Variants in FSIP2 observed in about 807,000 individuals in gnomAD.
FSIP2 encodes the protein fibrous sheath interacting protein 2, also known as fibrous sheath-interacting protein 2.
A neutral mutation model predicts 510.5 loss-of-function variants in FSIP2; 367 were observed. The ratio of observed to expected loss-of-function variants is 0.72; its 90% CI spans 0.66 to 0.78. FSIP2 has a LOEUF of 0.78. Ranked by LOEUF, FSIP2 falls within the 30% of genes least tolerant of loss-of-function variation. The pLI is 0.00. For synonymous variants in FSIP2, 2,601 were observed against 2,732.2 expected (o/e 0.95, Z 1.50); for missense variants, 7,594 against 7,901.7 (o/e 0.96, Z 1.48).
At chr2:185,779,765 C>T (rs1004240776) in intron 13 of FSIP2, among the ~76,000 whole-genome samples, 1 of 152,026 alleles carries the variant, frequency 6.6e-6, no homozygotes, top group Non-Finnish European at 1.5e-5. Flanking sequence ...TTTAATACTT[C>T]TTGGGATTAT....
intron 1 of FSIP2, 98 bp downstream of exon 1, chr2:185,739,091 A>G (rs1052348998): frequency 1.4e-6 from 2 of 1,388,540 alleles, no homozygotes; most frequent in South Asian, 1.5e-5. Flanking sequence ...GAGGCTCCCA[A>G]CTGTCCCCCG....
At position 185,791,751 on chromosome 2, in the gene FSIP2, A is replaced by C. The variant is rs1300968891; in HGVS notation, c.4615A>C (p.Ser1539Arg). 1 of 1,534,518 alleles carries C rather than the reference A, an allele frequency of 6.5e-7. No homozygotes were observed. Among genetic ancestry groups the C allele is most frequent in the African/African-American group, 1.4e-5 (1 of 72,888 alleles). The change falls in exon 16 of 23, where the codon AGC becomes CGC. Residue 1539 changes from serine (S) to arginine (R), a missense_variant. Coordinates refer to ENST00000424728, the MANE Select transcript of FSIP2 (RefSeq NM_173651.4). ...GGCCAAATCCACCAAAATAATCTCC[A>C]GCATAGTTTCCAGAAGGGTTCAGGA... ...KMAKSTKIISSIVSRRVQEDN... is the reference protein window; with the variant it reads ...KMAKSTKIISRIVSRRVQEDN...
chr2:185,809,844 C>G (rs1351133738), intron 17 of FSIP2, among the ~76,000 whole-genome samples: 1 of 151,940 alleles, frequency 6.6e-6, no homozygotes, highest in African/African-American at 2.4e-5. Flanking sequence ...ATACTCAGCT[C>G]CCAAATATTT....
At chr2:185,827,475 A>G (rs1694034015) in intron 20 of FSIP2, among the ~76,000 whole-genome samples, 1 of 151,886 alleles carries the variant, frequency 6.6e-6, no homozygotes, top group African/African-American at 2.4e-5. Context: ...TAAGCAATGA[A>G]GCTAAGATGT....
chr2:185,816,358 A>G (rs1415462298), intron 19 of FSIP2, among the ~76,000 whole-genome samples: 1 of 151,864 alleles, frequency 6.6e-6, no homozygotes, highest in Non-Finnish European at 1.5e-5. Context: ...TTTATTGGTT[A>G]TATTAGTGAA....
chr2:185,825,493 T>G (rs1244772940), intron 20 of FSIP2, among the ~76,000 whole-genome samples: 1 of 151,692 alleles, frequency 6.6e-6, no homozygotes, highest in Non-Finnish European at 1.5e-5. Context: ...ACTATTTGGG[T>G]GATAGGTACA....
At chr2:185,827,685 G>C (rs1475033962) in intron 20 of FSIP2, among the ~76,000 whole-genome samples, 1 of 151,828 alleles carries the variant, frequency 6.6e-6, no homozygotes, top group Admixed American at 6.6e-5. Flanking sequence ...AAGCTCTCCT[G>C]ATTCTCCCAG....
intron 13 of FSIP2, among the ~76,000 whole-genome samples, chr2:185,782,225 G>C (rs564821637): frequency 1.3e-5 from 2 of 152,210 alleles, no homozygotes; most frequent in Non-Finnish European, 2.9e-5. Flanking sequence ...CATAATTACT[G>C]TGTAGCATGA....
chr2:185,789,234 T>C lies in FSIP2; in HGVS notation c.2098T>C (p.Leu700=). 1 of 1,534,504 alleles carries C rather than the reference T, an allele frequency of 6.5e-7. No homozygotes were observed. The change falls in exon 16 of 23, where the codon TTG becomes CTG. Residue 700 remains leucine (L), a synonymous_variant. Coordinates refer to ENST00000424728, the MANE Select transcript of FSIP2 (RefSeq NM_173651.4). ...TGTTTTTGTTAACTTTAAATGTTAC[T>C]TGAAAGGGGAAACTGAAGTGATTTT... ...KNVFVNFKCY[L]KGETEVILES...
rs1265379721 is a variant in FSIP2 at position 185,794,399 on chromosome 2, A to G, written c.7263A>G (p.Gln2421=). The G allele has an allele frequency of 4.6e-6, 7 of 1,518,806 alleles. No individual in the cohort carries two copies. In the East Asian group the frequency reaches 9.8e-5, roughly 21 times the overall value. 94.1% of individuals were successfully genotyped at this position (1,518,806 alleles called of 1,614,324 possible). A position where few individuals can be genotyped will look rare whatever the true frequency, so the allele number is the denominator to read the frequency against. The change falls in exon 16 of 23, where the codon CAA becomes CAG. Residue 2421 remains glutamine, a synonymous_variant. Coordinates refer to ENST00000424728, the MANE Select transcript of FSIP2 (RefSeq NM_173651.4). ...FNSKENSNFS[Q]LALSNEILLG... The stretch of plus-strand genomic sequence containing the variant: ...CAAAAGAAAATTCTAACTTTTCACA[A>G]TTAGCTTTATCAAATGAAATATTGC...
At chr2:185,762,163 A>G (rs1483392154) in intron 11 of FSIP2, 146 bp downstream of exon 11, 4 of 502,342 alleles carry the variant, frequency 8.0e-6, no homozygotes, top group East Asian at 3.1e-5. Context: ...ATGAATATAG[A>G]TATTATAATT....
At chr2:185,820,288 A>G (rs1047140641) in intron 19 of FSIP2, among the ~76,000 whole-genome samples, 1 of 151,198 alleles carries the variant, frequency 6.6e-6, no homozygotes, top group African/African-American at 2.4e-5. Context: ...GTGAAGAAGG[A>G]TATGTTTGCT....
At chr2:185,786,162 C>A in intron 14 of FSIP2, 90 bp from the exon 15 acceptor site, 2 of 826,158 alleles carry the variant, frequency 2.4e-6, no homozygotes, top group Non-Finnish European at 3.7e-6. Context: ...TTAGATACAA[C>A]AAAATGATTT....
rs1692331442 is a variant in FSIP2, at chr2:185,760,640, G to GA, written c.1079-343dup. Among the ~76,000 whole-genome samples, 7 of 150,320 alleles carry GA rather than the reference G, an allele frequency of 4.7e-5. No homozygotes were observed. In the Admixed American group the frequency reaches 4.7e-4, roughly 10 times the overall value. On this transcript the variant is annotated intron_variant, in intron 9 of 22. Transcript: ENST00000424728. ...ATACAATAGAATTCTTCTCAGAAAT[G>GA]AAAAAGAAAAGCAATACCATTGATA...
Position 185,764,548 on chromosome 2 carries a change from G to C in FSIP2, c.1394G>C (p.Ser465Thr), listed in dbSNP as rs1392487143. 19 of 1,527,182 alleles carry C rather than the reference G, an allele frequency of 1.2e-5. No individual in the cohort carries two copies. Among genetic ancestry groups the C allele is most frequent in the Non-Finnish European group, 1.5e-5 (17 of 1,139,888 alleles). The allele number at this position is 1,527,182 out of a possible 1,614,324, so 94.6% of individuals were successfully genotyped here. Residue 465 changes from serine (S) to threonine (T), a missense_variant, in exon 13 of 23, where the codon AGC becomes ACC. Coordinates refer to ENST00000424728, the MANE Select transcript of FSIP2 (RefSeq NM_173651.4). ...GATGGAAGACCAACCAAGAGATCAA[G>C]CTATCTCTGCGAATCAGGTAAATAT... The part of the protein sequence containing the change: ...DWDGRPTKRS[S>T]YLCESGPQAH...
rs763368954 is a variant in FSIP2 at position 185,790,630 on chromosome 2, C to A, written c.3494C>A (p.Thr1165Lys). ...DQMFSVSEIS[T>K]VAQEITDSVL... ...ATGTTTTCTGTTTCAGAAATCAGTA[C>A]AGTGGCTCAAGAAATAACAGATTCT... The change falls in exon 16 of 23, where the codon ACA (threonine) becomes AAA (lysine). Residue 1165 changes from threonine to lysine, a missense_variant. Coordinates refer to ENST00000424728, the MANE Select transcript of FSIP2 (RefSeq NM_173651.4). The A allele has an allele frequency of 6.5e-7, 1 of 1,534,012 alleles. No homozygotes were observed. The highest frequency in any genetic ancestry group is 8.7e-7 in the Non-Finnish European group (1 of 1,145,396).
At chr2:185,830,185 A>C (rs1694081936) in intron 21 of FSIP2, among the ~76,000 whole-genome samples, 1 of 151,922 alleles carries the variant, frequency 6.6e-6, no homozygotes, top group Non-Finnish European at 1.5e-5. Flanking sequence ...GAAAGGACCA[A>C]ATATCTGACT....
chr2:185,746,135 T>G (rs1176411520), intron 5 of FSIP2, among the ~76,000 whole-genome samples: 1 of 152,062 alleles, frequency 6.6e-6, no homozygotes, highest in Non-Finnish European at 1.5e-5. Flanking sequence ...TACCTGACTT[T>G]TATATTCATT....
At chr2:185,739,139 G>GCGGTA in intron 1 of FSIP2, 146 bp downstream of exon 1, 1 of 1,220,246 alleles carries the variant, frequency 8.2e-7, no homozygotes, top group Non-Finnish European at 1.1e-6. Context: ...GGGGGCGGTG[G>GCGGTA]CGGTGGCTCG....
Sources: gnomAD v4.1 joint callset for allele counts (sites outside exome capture counted in the v4.1 genomes callset) on GRCh38, gnomAD v4.1.1 for gene constraint, MANE v1.5 for transcripts, NCBI Gene and HGNC (gene_info 2026-07-23, HGNC 2026-07-21) for gene names.